Variants in CDH4 observed in about 807,000 individuals in gnomAD.
The protein encoded by CDH4 is cadherin 4.
A neutral mutation model predicts 86.0 loss-of-function variants in CDH4; 33 were observed. That is an observed-to-expected ratio of 0.38 (90% CI 0.29 to 0.51). The LOEUF is 0.51. Among genes scored for constraint, CDH4 ranks in the 20% least tolerant of loss-of-function variants. CDH4 has a pLI of 0.86. For missense variants in CDH4, 1,114 were observed against 1,307.4 expected, an observed-to-expected ratio of 0.85 and a Z score of 2.28; for synonymous variants, 555 against 549.4, an observed-to-expected ratio of 1.01 and a Z score of -0.14.
chr20:61,655,936 A>G (rs867864524), intron 2 of CDH4, among the ~76,000 whole-genome samples: 5 of 152,330 alleles, frequency 3.3e-5, no homozygotes, highest in South Asian at 2.1e-4. Context: ...GGTTCTGAAC[A>G]TCACCTTGTT....
At position 61,580,619 on chromosome 20, in the gene CDH4, G is replaced by A. The variant is rs562455799; in HGVS notation, c.170-162944G>A. Among the ~76,000 whole-genome samples, 3 of 139,810 alleles carry A rather than the reference G, an allele frequency of 2.1e-5. No individual in the cohort carries two copies. In the East Asian group the frequency reaches 6.6e-4, roughly 31 times the overall value. The allele number at this position is 139,810 out of a possible 152,430, so 91.7% of individuals were successfully genotyped here. A position where few individuals can be genotyped will look rare whatever the true frequency, so the allele number is the denominator to read the frequency against. On this transcript the variant is annotated intron_variant, in intron 2 of 15. Coordinates refer to ENST00000614565, the MANE Select transcript of CDH4 (RefSeq NM_001794.5). ...TGCTGTGCGCTGAAGGCAGCCCATT[G>A]GTTTTTCAGGTTGACGCTCTAGGGG...
chr20:61,505,762 C>T (rs1568868958), intron 2 of CDH4, among the ~76,000 whole-genome samples: 1 of 151,594 alleles, frequency 6.6e-6, no homozygotes. Flanking sequence ...TCTTCACTCC[C>T]AGGACGCTAA....
rs937649262 is a variant in CDH4 at position 61,569,232 on chromosome 20, G to A, written c.170-174331G>A. Among the ~76,000 whole-genome samples the A allele has an allele frequency of 7.9e-5, 12 of 152,218 alleles. 1 individual carries two copies. The highest frequency in any genetic ancestry group is 1.9e-4 in the African/African-American group (8 of 41,452). ...ATGATGATTAACTGAGATGAGAGGC[G>A]TGGAGTTTCCAGAACACTGCACTGC... On this transcript the variant is annotated intron_variant, in intron 2 of 15. Transcript: ENST00000614565.
At chr20:61,669,772 A>T (rs956987807) in intron 2 of CDH4, among the ~76,000 whole-genome samples, 3 of 152,218 alleles carry the variant, frequency 2.0e-5, no homozygotes, top group Admixed American at 6.5e-5. Flanking sequence ...CTTTAATGAA[A>T]ATAACTTCTG....
chr20:61,920,373 T>TTGTA (rs148803494), intron 9 of CDH4, among the ~76,000 whole-genome samples: 30 of 146,510 alleles, frequency 2.0e-4, no homozygotes, highest in Admixed American at 6.0e-4. Context: ...CGTGTCGTGA[T>TTGTA]TGGAAGCGTG....
intron 2 of CDH4, among the ~76,000 whole-genome samples, chr20:61,349,483 A>G (rs929523224): frequency 1.3e-5 from 2 of 152,230 alleles, no homozygotes; most frequent in African/African-American, 4.8e-5. Flanking sequence ...AAAGTCAGTG[A>G]GGGAAAATCC....
At chr20:61,890,336 A>C (rs763550427) in intron 7 of CDH4, among the ~76,000 whole-genome samples, 6 of 149,282 alleles carry the variant, frequency 4.0e-5, no homozygotes, top group Non-Finnish European at 8.9e-5. Flanking sequence ...TGGATGGGTG[A>C]GTGAATGGAT....
chr20:61,759,400 A>G (rs1030237361), intron 3 of CDH4, among the ~76,000 whole-genome samples: 2 of 152,202 alleles, frequency 1.3e-5, no homozygotes, highest in African/African-American at 4.8e-5. Context: ...GAAACGCCAC[A>G]TGGTGGACGA....
chr20:61,304,760 G>T (rs1227729735), intron 2 of CDH4, among the ~76,000 whole-genome samples: 1 of 146,624 alleles, frequency 6.8e-6, no homozygotes, highest in Non-Finnish European at 1.5e-5. Flanking sequence ...CAGTGTGCAT[G>T]TTGTGTGTGT....
chr20:61,425,699 G>A (rs769070234), intron 2 of CDH4, among the ~76,000 whole-genome samples: 19 of 152,140 alleles, frequency 1.2e-4, no homozygotes, highest in Non-Finnish European at 2.2e-4. Flanking sequence ...GGGCAGGATG[G>A]CCAATTGCAG....
At chr20:61,380,762 T>A (rs959412340) in intron 2 of CDH4, among the ~76,000 whole-genome samples, 1 of 152,210 alleles carries the variant, frequency 6.6e-6, no homozygotes, top group African/African-American at 2.4e-5. Flanking sequence ...TCTTTCATGA[T>A]GCTGAAAGAG....
chr20:61,359,473 A>T (rs763360137), intron 2 of CDH4, among the ~76,000 whole-genome samples: 2 of 152,330 alleles, frequency 1.3e-5, no homozygotes, highest in South Asian at 2.1e-4. Context: ...CCGCCTGGAC[A>T]GGAGGAGGTT....
At chr20:61,808,140 C>G (rs1188111521) in intron 4 of CDH4, among the ~76,000 whole-genome samples, 1 of 151,922 alleles carries the variant, frequency 6.6e-6, no homozygotes, top group Admixed American at 6.5e-5. Flanking sequence ...CCCCCACAGC[C>G]TGGGGAAGGC....
chr20:61,317,873 G>A (rs1452629664), intron 2 of CDH4, among the ~76,000 whole-genome samples: 1 of 152,252 alleles, frequency 6.6e-6, no homozygotes, highest in Non-Finnish European at 1.5e-5. Context: ...ACATGTCAGA[G>A]TGGGGTAAAA....
intron 2 of CDH4, among the ~76,000 whole-genome samples, chr20:61,471,838 G>A (rs1434070556): frequency 6.6e-6 from 1 of 151,796 alleles, no homozygotes; most frequent in Non-Finnish European, 1.5e-5. Flanking sequence ...CTCTTTTATT[G>A]ATTTCTAGTT....
chr20:61,694,857 C>A (rs936901608), intron 2 of CDH4, among the ~76,000 whole-genome samples: 1 of 152,216 alleles, frequency 6.6e-6, no homozygotes, highest in Non-Finnish European at 1.5e-5. Flanking sequence ...CGATACGCGG[C>A]AGATAGTGCT....
intron 2 of CDH4, among the ~76,000 whole-genome samples, chr20:61,444,108 TTGTG>T (rs2085329527): frequency 6.7e-6 from 1 of 150,112 alleles, no homozygotes; most frequent in Non-Finnish European, 1.5e-5. Flanking sequence ...CTGTGTGTGA[TTGTG>T]TGTATCTCTA....
chr20:61,672,697 C>T (rs1665318025), intron 2 of CDH4, among the ~76,000 whole-genome samples: 1 of 152,174 alleles, frequency 6.6e-6, no homozygotes, highest in African/African-American at 2.4e-5. Flanking sequence ...GGAGTTGGTG[C>T]TGAGCATCCC....
chr20:61,506,931 C>A (rs1025272005), intron 2 of CDH4, among the ~76,000 whole-genome samples: 1 of 152,126 alleles, frequency 6.6e-6, no homozygotes, highest in Non-Finnish European at 1.5e-5. Context: ...GCAAGGTCCA[C>A]CTATTCAGAC....
Sources: gnomAD v4.1 joint callset for allele counts (sites outside exome capture counted in the v4.1 genomes callset) on GRCh38, gnomAD v4.1.1 for gene constraint, MANE v1.5 for transcripts, NCBI Gene and HGNC (gene_info 2026-07-23, HGNC 2026-07-21) for gene names.